The following DOCK3 variants were observed in gnomAD, a reference collection of about 807,000 sequenced individuals.
The protein encoded by DOCK3 is dedicator of cytokinesis 3.
DOCK3 carries 60 observed loss-of-function variants against 265.6 expected under a neutral mutation model. The observed-to-expected ratio is 0.23, with a 90% CI of 0.18 to 0.28. The LOEUF is 0.28. DOCK3 is among the 10% of genes least tolerant of loss of function. The probability of loss-of-function intolerance (pLI) is 1.00; values close to 1 mark genes in which losing one functional copy is unlikely to be tolerated. For missense variants in DOCK3, 1,981 were observed against 2,594.3 expected, an observed-to-expected ratio of 0.76 and a Z score of 5.14; for synonymous variants, 881 against 938.0, an observed-to-expected ratio of 0.94 and a Z score of 1.11.
intron 2 of DOCK3, among the ~76,000 whole-genome samples, chr3:50,797,212 TCTG>T (rs2042838355): frequency 6.6e-6 from 1 of 152,106 alleles, no homozygotes; most frequent in Admixed American, 6.5e-5. Context: ...GTTGGGGGCT[TCTG>T]CTGGTGACTG....
intron 27 of DOCK3, among the ~76,000 whole-genome samples, chr3:51,287,767 C>A (rs1158688211): frequency 6.6e-6 from 1 of 152,162 alleles, no homozygotes. Context: ...TTCAACCCAG[C>A]AATCCCATTG....
chr3:50,689,270 C>T (rs754368237), intron 1 of DOCK3, among the ~76,000 whole-genome samples: 2 of 152,128 alleles, frequency 1.3e-5, no homozygotes, highest in Non-Finnish European at 2.9e-5. Context: ...TCTGTACTCA[C>T]GGTGCTAATA....
At chr3:50,801,326 G>C (rs1227862844) in intron 2 of DOCK3, among the ~76,000 whole-genome samples, 1 of 151,982 alleles carries the variant, frequency 6.6e-6, no homozygotes, top group Non-Finnish European at 1.5e-5. Flanking sequence ...TGAGTGGTTT[G>C]GCAGGAAAAA....
At chr3:51,345,053 T>C (rs1340586488) in intron 38 of DOCK3, among the ~76,000 whole-genome samples, 1 of 152,198 alleles carries the variant, frequency 6.6e-6, no homozygotes, top group Non-Finnish European at 1.5e-5. Context: ...GCCATTGTCA[T>C]CTAAATGAGC....
chr3:51,359,961 TAATATG>T lies in DOCK3; in HGVS notation c.4885-546_4885-541del, dbSNP rs780399452. ...GTGTCTGCCCAGAAATCTACATACTTAATATGAATTAATTAAGCTAAAATAGAGCTG... is the reference window on the plus strand; with the variant it reads ...GTGTCTGCCCAGAAATCTACATACTTAATTAATTAAGCTAAAATAGAGCTG... On this transcript the variant is annotated intron_variant, in intron 46 of 52. Coordinates refer to ENST00000266037, the MANE Select transcript of DOCK3 (RefSeq NM_004947.5). This position sits in a 1 kb window ranked among gnomAD's most constrained non-coding sequence, Gnocchi z 4.8. Among the ~76,000 whole-genome samples the T allele has an allele frequency of 1.1e-4, 16 of 152,190 alleles. No individual in the cohort carries two copies. Among genetic ancestry groups the T allele is most frequent in the Non-Finnish European group, 1.8e-4 (12 of 68,046 alleles).
chr3:51,200,853 G>C (rs1331647394), intron 12 of DOCK3, among the ~76,000 whole-genome samples: 2 of 152,140 alleles, frequency 1.3e-5, no homozygotes, highest in South Asian at 2.1e-4. Context: ...AGCCAGAAGA[G>C]AGTGGGGGCC....
chr3:50,914,406 A>G (rs1468847583), intron 4 of DOCK3, among the ~76,000 whole-genome samples: 5 of 151,914 alleles, frequency 3.3e-5, no homozygotes, highest in Admixed American at 2.6e-4. Context: ...TTCTATTTTC[A>G]CTTGTTACAA....
intron 23 of DOCK3, 110 bp downstream of exon 23, chr3:51,260,436 T>TG: frequency 2.4e-6 from 3 of 1,257,070 alleles, no homozygotes; most frequent in East Asian, 5.2e-5. Context: ...TCATGTGTGT[T>TG]GGGTAAGGGA....
intron 1 of DOCK3, among the ~76,000 whole-genome samples, chr3:50,757,240 G>A (rs1328304165): frequency 1.6e-5 from 2 of 122,152 alleles, no homozygotes; most frequent in African/African-American, 6.1e-5. Context: ...GTGTGATCTC[G>A]GCTCACTGCA....
chr3:51,179,038 A>G (rs1332931899), intron 12 of DOCK3, among the ~76,000 whole-genome samples: 1 of 152,188 alleles, frequency 6.6e-6, no homozygotes, highest in Non-Finnish European at 1.5e-5. Flanking sequence ...CATAACCAGA[A>G]CGCTGTGATA....
chr3:50,677,097 G>T (rs1446484364), intron 1 of DOCK3, among the ~76,000 whole-genome samples: 1 of 152,154 alleles, frequency 6.6e-6, no homozygotes, highest in Non-Finnish European at 1.5e-5. Context: ...TAGAAAAATT[G>T]TTATTCCCTT....
At chr3:50,805,674 C>T (rs1406794385) in intron 2 of DOCK3, among the ~76,000 whole-genome samples, 2 of 151,722 alleles carry the variant, frequency 1.3e-5, no homozygotes, top group African/African-American at 2.4e-5. Flanking sequence ...GGGCCTGTTT[C>T]TCCAGCTTAG....
rs754996910 is a variant in DOCK3 at position 50,787,736 on chromosome 3, C to A, written c.121+8978C>A. The stretch of plus-strand genomic sequence containing the variant: ...CTCATTCTTCTTTCTGTAACGCTGA[C>A]TTTCTCTGTTATCTTCTCCTTTTTC... On this transcript the variant is annotated intron_variant, in intron 2 of 52. Transcript: ENST00000266037. 1.6e-5 allele frequency: 20 copies of A among 1,222,752 alleles called. No individual in the cohort carries two copies. In the Admixed American group the frequency reaches 3.2e-4, roughly 19 times the overall value. The allele number at this position is 1,222,752 out of a possible 1,614,324, so 75.7% of individuals were successfully genotyped here.
intron 21 of DOCK3, among the ~76,000 whole-genome samples, chr3:51,243,428 GT>G (rs376197889): frequency 1.4e-3 from 202 of 145,282 alleles, no homozygotes; most frequent in African/African-American, 3.5e-3. Flanking sequence ...TATTTTCTGG[GT>G]TTTTTTTTTT....
chr3:50,898,387 G>T (rs1402889281), intron 4 of DOCK3, among the ~76,000 whole-genome samples: 11 of 151,880 alleles, frequency 7.2e-5, no homozygotes. Flanking sequence ...TTATTGGTCT[G>T]GCTAGCGGTC....
At chr3:51,338,301 A>G (rs2084998063) in intron 35 of DOCK3, 58 bp from the exon 36 acceptor site, 7 of 1,538,240 alleles carry the variant, frequency 4.6e-6, no homozygotes, top group African/African-American at 2.7e-5. Context: ...GTACAGTTCT[A>G]TGTGTTGTCT....
At chr3:50,957,465 A>C (rs968111344) in intron 5 of DOCK3, among the ~76,000 whole-genome samples, 1 of 152,168 alleles carries the variant, frequency 6.6e-6, no homozygotes, top group African/African-American at 2.4e-5. Flanking sequence ...GGACTACCTT[A>C]CTCTGAAAGT....
At chr3:51,085,328 C>A (rs1178481417) in intron 7 of DOCK3, among the ~76,000 whole-genome samples, 1 of 152,172 alleles carries the variant, frequency 6.6e-6, no homozygotes, top group Non-Finnish European at 1.5e-5. Flanking sequence ...ATGTACTTAA[C>A]AGACATTACA....
Position 51,145,597 on chromosome 3 carries a change from T to A in DOCK3, c.747-952T>A, listed in dbSNP as rs1560122014. On this transcript the variant is annotated intron_variant, in intron 9 of 52. Coordinates refer to ENST00000266037, the MANE Select transcript of DOCK3 (RefSeq NM_004947.5). The stretch of plus-strand genomic sequence containing the variant: ...TCTTAAAACATCGTGAGATTTTTTT[T>A]ATTTTTATTTTTATTTTTTAGCTCA... Among the ~76,000 whole-genome samples, 3 of 152,296 alleles carry A rather than the reference T, an allele frequency of 2.0e-5. No individual in the cohort carries two copies. In the South Asian group the frequency reaches 6.2e-4, roughly 32 times the overall value.
Sources: gnomAD v4.1 joint callset for allele counts (sites outside exome capture counted in the v4.1 genomes callset) on GRCh38, gnomAD v4.1.1 for gene constraint, Gnocchi (gnomAD v3.1) non-coding constraint, MANE v1.5 for transcripts, NCBI Gene and HGNC (gene_info 2026-07-23, HGNC 2026-07-21) for gene names.